Variants in ZFAND3 observed in about 807,000 individuals in gnomAD.
The protein encoded by ZFAND3 is zinc finger AN1-type containing 3.
Under a neutral mutation model 29.6 loss-of-function variants are expected in ZFAND3, and 10 were observed. The ratio of observed to expected loss-of-function variants is 0.34; its 90% CI spans 0.21 to 0.57. The LOEUF is 0.57. Among genes scored for constraint, ZFAND3 ranks in the 20% least tolerant of loss-of-function variants. ZFAND3 has a pLI of 0.86. For missense variants in ZFAND3, 230 were observed against 304.5 expected, an observed-to-expected ratio of 0.76 and a Z score of 1.82; for synonymous variants, 128 against 112.6, an observed-to-expected ratio of 1.14 and a Z score of -0.87.
At chr6:37,935,136 A>G (rs1322425679) in intron 2 of ZFAND3, among the ~76,000 whole-genome samples, 1 of 152,164 alleles carries the variant, frequency 6.6e-6, no homozygotes, top group Non-Finnish European at 1.5e-5. Context: ...GATTATTTTT[A>G]TATTATTGCT....
intron 1 of ZFAND3, among the ~76,000 whole-genome samples, chr6:37,839,186 C>T (rs922466204): frequency 2.7e-4 from 40 of 147,140 alleles, no homozygotes; most frequent in African/African-American, 8.3e-4. Flanking sequence ...TGTAAAATTT[C>T]TTTTTTTTTT....
chr6:38,144,176 A>T (rs1208933685), intron 5 of ZFAND3, among the ~76,000 whole-genome samples: 1 of 16,036 alleles, frequency 6.2e-5, no homozygotes, highest in Non-Finnish European at 1.2e-4. Context: ...AATGTGATAT[A>T]TATATATAAT....
rs188998107 is a variant in ZFAND3, at chr6:38,141,326, A to G, written c.530-10909A>G. On this transcript the variant is annotated intron_variant, in intron 5 of 5. Coordinates refer to ENST00000287218, the MANE Select transcript of ZFAND3 (RefSeq NM_021943.3). Reference sequence around the variant, plus strand: ...GAAATAGACATGAGGCTTTTCAACAAACAATCAGTACGTGACCAAACTTGG... The same window carrying G: ...GAAATAGACATGAGGCTTTTCAACAGACAATCAGTACGTGACCAAACTTGG... Among the ~76,000 whole-genome samples the G allele has an allele frequency of 3.6e-3, 551 of 152,288 alleles. 2 individuals are homozygous for G. The highest frequency in any genetic ancestry group is 9.7e-3 in the South Asian group (47 of 4,824).
chr6:37,987,640 T>TCTAA (rs1762692868), intron 2 of ZFAND3, among the ~76,000 whole-genome samples: 1 of 152,196 alleles, frequency 6.6e-6, no homozygotes, highest in African/African-American at 2.4e-5. Flanking sequence ...ACTTAGTGAC[T>TCTAA]CTAAATCTTA....
intron 2 of ZFAND3, among the ~76,000 whole-genome samples, chr6:37,971,067 A>G (rs952321997): frequency 9.9e-5 from 15 of 152,242 alleles, no homozygotes; most frequent in African/African-American, 3.6e-4. Flanking sequence ...GTATTTGTTC[A>G]CAGAGATTTG....
At chr6:37,899,989 G>T (rs1003540464) in intron 1 of ZFAND3, among the ~76,000 whole-genome samples, 2 of 152,058 alleles carry the variant, frequency 1.3e-5, no homozygotes, top group Non-Finnish European at 2.9e-5. Flanking sequence ...TTATAACAGT[G>T]TATGTAGAAT....
intron 5 of ZFAND3, among the ~76,000 whole-genome samples, chr6:38,141,074 A>T (rs1885329): frequency 0.021 from 3,108 of 150,238 alleles, 95 homozygotes; most frequent in African/African-American, 0.073. Context: ...GAAACGGGGC[A>T]AAAGCATGCT....
intron 5 of ZFAND3, among the ~76,000 whole-genome samples, chr6:38,146,309 C>T (rs184967433): frequency 2.6e-5 from 4 of 152,348 alleles, no homozygotes; most frequent in Non-Finnish European, 4.4e-5. Context: ...ACTAGTCCTG[C>T]TCTCTCTCTT....
At chr6:38,103,336 G>A (rs931685780) in intron 4 of ZFAND3, among the ~76,000 whole-genome samples, 6 of 88,432 alleles carry the variant, frequency 6.8e-5, no homozygotes, top group African/African-American at 2.2e-4. Flanking sequence ...ATCTGGGTGT[G>A]TGTGTGTGTA....
chr6:37,937,184 A>G (rs1022547057), intron 2 of ZFAND3, among the ~76,000 whole-genome samples: 1 of 152,224 alleles, frequency 6.6e-6, no homozygotes, highest in Non-Finnish European at 1.5e-5. Context: ...CTTTACAGTA[A>G]GAGAAACAGA....
intron 2 of ZFAND3, among the ~76,000 whole-genome samples, chr6:37,981,797 G>A (rs1347369016): frequency 1.3e-5 from 2 of 152,100 alleles, no homozygotes; most frequent in Non-Finnish European, 2.9e-5. Context: ...GGTTAAGGAT[G>A]CACCTGTTAC....
intron 2 of ZFAND3, among the ~76,000 whole-genome samples, chr6:38,028,474 A>G (rs143264382): frequency 8.5e-5 from 13 of 152,248 alleles, no homozygotes; most frequent in Admixed American, 3.9e-4. Flanking sequence ...GTAAATTACA[A>G]ATTTGAATGT....
chr6:37,876,974 G>A (rs183720523), intron 1 of ZFAND3, among the ~76,000 whole-genome samples: 2 of 152,262 alleles, frequency 1.3e-5, no homozygotes, highest in African/African-American at 4.8e-5. Flanking sequence ...TTAGTTCTAT[G>A]CCTGCAACAA....
chr6:37,916,741 T>C (rs1761261569), intron 1 of ZFAND3, among the ~76,000 whole-genome samples: 1 of 152,248 alleles, frequency 6.6e-6, no homozygotes, highest in African/African-American at 2.4e-5. Context: ...CAGTTTCTGG[T>C]ACCTGCAGTC....
intron 2 of ZFAND3, among the ~76,000 whole-genome samples, chr6:37,931,405 TGTG>T (rs1761591941): frequency 1.3e-5 from 2 of 151,906 alleles, no homozygotes; most frequent in South Asian, 2.1e-4. Context: ...ATTAGCTGGA[TGTG>T]GTGGTGTGCA....
At chr6:38,044,295 A>G (rs1010715903) in intron 2 of ZFAND3, among the ~76,000 whole-genome samples, 2 of 152,170 alleles carry the variant, frequency 1.3e-5, no homozygotes, top group African/African-American at 4.8e-5. Context: ...GGCCATGACT[A>G]GTTAATGGAG....
intron 5 of ZFAND3, among the ~76,000 whole-genome samples, chr6:38,130,228 C>T (rs938372580): frequency 3.9e-5 from 6 of 152,144 alleles, no homozygotes; most frequent in Non-Finnish European, 8.8e-5. Flanking sequence ...TTAGAGTTTT[C>T]TAGGTGAACG....
chr6:37,840,158 C>T lies in ZFAND3; in HGVS notation c.71+20142C>T, dbSNP rs77524176. On this transcript the variant is annotated intron_variant, in intron 1 of 5. Coordinates refer to ENST00000287218, the MANE Select transcript of ZFAND3 (RefSeq NM_021943.3). ...TGTTGCCCAAGCTGGAGTGCAGTGGCGCGATCTCGGCTCAGTGCAACCTCT... is the reference window on the plus strand; with the variant it reads ...TGTTGCCCAAGCTGGAGTGCAGTGGTGCGATCTCGGCTCAGTGCAACCTCT... Among the ~76,000 whole-genome samples, 2,577 of 151,780 alleles carry T rather than the reference C, an allele frequency of 0.017. 253 individuals carry two copies. In the East Asian group the frequency reaches 0.28, roughly 16 times the overall value.
chr6:37,967,872 A>T (rs1001998960), intron 2 of ZFAND3, among the ~76,000 whole-genome samples: 14 of 152,040 alleles, frequency 9.2e-5, no homozygotes, highest in Non-Finnish European at 1.5e-5. Context: ...TTTTTGATGT[A>T]GTCACCCTTT....
Sources: gnomAD v4.1 joint callset for allele counts (sites outside exome capture counted in the v4.1 genomes callset) on GRCh38, gnomAD v4.1.1 for gene constraint, MANE v1.5 for transcripts, NCBI Gene and HGNC (gene_info 2026-07-23, HGNC 2026-07-21) for gene names.